The following CFAP299 variants were observed in gnomAD, a reference collection of about 807,000 sequenced individuals.
CFAP299 encodes the protein cilia and flagella associated protein 299, also known as cilia- and flagella-associated protein 299.
CFAP299 carries 21 observed loss-of-function variants against 27.0 expected under a neutral mutation model. The ratio of observed to expected loss-of-function variants is 0.78; its 90% confidence interval spans 0.55 to 1.12. The LOEUF (loss-of-function observed/expected upper bound fraction) is 1.12, where lower values mean the gene tolerates loss of function less well. Ranked by LOEUF, CFAP299 falls within the 50% of genes most tolerant of loss-of-function variation. The pLI is 0.00. For synonymous variants in CFAP299, 104 were observed against 98.1 expected (o/e 1.06, Z -0.36); for missense variants, 310 against 276.6 (o/e 1.12, Z -0.86).
At chr4:80,852,788 TTC>T (rs1445723084) in intron 3 of CFAP299, among the ~76,000 whole-genome samples, 27 of 152,194 alleles carry the variant, frequency 1.8e-4, no homozygotes, top group Admixed American at 1.7e-3. Flanking sequence ...AAGTGTAAAG[TTC>T]TCTTTCTAAT....
intron 3 of CFAP299, among the ~76,000 whole-genome samples, chr4:80,838,052 C>T (rs1290030596): frequency 1.3e-5 from 2 of 152,030 alleles, no homozygotes; most frequent in Non-Finnish European, 2.9e-5. Context: ...CATATGTTTG[C>T]TGGCTGCATA....
At chr4:80,401,373 C>T (rs1168433911) in intron 2 of CFAP299, among the ~76,000 whole-genome samples, 3 of 152,130 alleles carry the variant, frequency 2.0e-5, no homozygotes, top group African/African-American at 7.2e-5. Context: ...GGACTGGGCC[C>T]AGGGTTCTCG....
At chr4:80,324,596 C>T in the CFAP299 span, among the ~76,000 whole-genome samples, 1 of 152,060 alleles carries the variant, frequency 6.6e-6, no homozygotes, top group South Asian at 2.1e-4. Context: ...GCAGCCATGG[C>T]AGTGGTGTTG....
At chr4:80,817,983 T>C in intron 3 of CFAP299, among the ~76,000 whole-genome samples, 1 of 152,132 alleles carries the variant, frequency 6.6e-6, no homozygotes, top group South Asian at 2.1e-4. Context: ...TTTTTCCTGC[T>C]GCTCTCTCTT....
chr4:80,561,356 G>A lies in CFAP299; in HGVS notation c.243-21737G>A, dbSNP rs1385445838. 2.6e-5 allele frequency among the ~76,000 whole-genome samples: 4 copies of A among 152,212 alleles called. No homozygotes were observed. The East Asian group carries it at 7.8e-4, about 30-fold the overall frequency. ...TCCCAAGAATGATAGCTACAAATCAGCCCAGATAGTGAAGGCTGCAATAAA... is the reference window on the plus strand; with the variant it reads ...TCCCAAGAATGATAGCTACAAATCAACCCAGATAGTGAAGGCTGCAATAAA... On this transcript the variant is annotated intron_variant, in intron 2 of 5. Transcript: ENST00000358105.
At chr4:80,716,333 T>C (rs2110041270) in intron 3 of CFAP299, among the ~76,000 whole-genome samples, 1 of 151,552 alleles carries the variant, frequency 6.6e-6, no homozygotes, top group East Asian at 1.9e-4. Flanking sequence ...GTACATAATC[T>C]ATTGCCTGAT....
At chr4:80,512,603 A>G (rs72874089) in intron 2 of CFAP299, among the ~76,000 whole-genome samples, 12,343 of 152,146 alleles carry the variant, frequency 0.081, 576 homozygotes, top group Non-Finnish European at 0.094. Context: ...GGAGTTACAT[A>G]TGAACCTCAG....
At chr4:80,919,026 C>T (rs1735906012) in intron 4 of CFAP299, among the ~76,000 whole-genome samples, 1 of 152,112 alleles carries the variant, frequency 6.6e-6, no homozygotes, top group Admixed American at 6.6e-5. Flanking sequence ...CCCAGAACAG[C>T]AAGTATAACT....
At chr4:80,579,179 A>C (rs1245933415) in intron 2 of CFAP299, among the ~76,000 whole-genome samples, 2 of 152,146 alleles carry the variant, frequency 1.3e-5, no homozygotes, top group Non-Finnish European at 2.9e-5. Flanking sequence ...TTTCTCCATA[A>C]TAGTGGCCTC....
chr4:80,607,030 A>T (rs896302436), intron 3 of CFAP299, among the ~76,000 whole-genome samples: 1 of 152,164 alleles, frequency 6.6e-6, no homozygotes, highest in African/African-American at 2.4e-5. Context: ...AAGGAAGAAG[A>T]AAAGAAAGTC....
chr4:80,747,128 GA>G (rs1480576555), intron 3 of CFAP299, among the ~76,000 whole-genome samples: 1 of 151,984 alleles, frequency 6.6e-6, no homozygotes, highest in African/African-American at 2.4e-5. Context: ...TGATTTATGA[GA>G]CATTTTTAAA....
At chr4:80,362,252 A>G (rs571228405) in intron 1 of CFAP299, among the ~76,000 whole-genome samples, 3 of 151,756 alleles carry the variant, frequency 2.0e-5, no homozygotes, top group African/African-American at 7.2e-5. Flanking sequence ...TTTATTTTGT[A>G]TTTGAAGTTA....
intron 3 of CFAP299, among the ~76,000 whole-genome samples, chr4:80,840,386 T>C (rs985986748): frequency 1.2e-4 from 18 of 152,140 alleles, no homozygotes; most frequent in Non-Finnish European, 2.4e-4. Flanking sequence ...TCAGTGAAAG[T>C]AGACAAGTTG....
chr4:80,392,768 T>C (rs1266431789), intron 2 of CFAP299, among the ~76,000 whole-genome samples: 3 of 147,770 alleles, frequency 2.0e-5, no homozygotes, highest in Non-Finnish European at 4.6e-5. Context: ...ATCTCAAAAA[T>C]GAAAAAAAAA....
intron 2 of CFAP299, among the ~76,000 whole-genome samples, chr4:80,512,346 A>G (rs1243073123): frequency 6.6e-6 from 1 of 152,120 alleles, no homozygotes; most frequent in Non-Finnish European, 1.5e-5. Flanking sequence ...GGAGAAGGTG[A>G]CAAAGCATCC....
At position 80,800,542 on chromosome 4, in the gene CFAP299, TAATATATCAATATATTATA is replaced by T. The variant is rs1560419322; in HGVS notation, c.334-69450_334-69432del. On this transcript the variant is annotated intron_variant, in intron 3 of 5. Transcript: ENST00000358105. ...AATATATAATATATTATATAATATATAATATATCAATATATTATATAATATATTAATATAAATATATAAT... is the reference window on the plus strand; with the variant it reads ...AATATATAATATATTATATAATATATTAATATATTAATATAAATATATAAT... Among the ~76,000 whole-genome samples, 27 of 39,028 alleles carry T rather than the reference TAATATATCAATATATTATA, an allele frequency of 6.9e-4. 1 individual carries two copies. Among genetic ancestry groups the T allele is most frequent in the African/African-American group, 4.3e-3 (26 of 6,094 alleles). 25.6% of individuals were successfully genotyped at this position (39,028 alleles called of 152,430 possible).
At chr4:80,798,530 G>A (rs774207536) in intron 3 of CFAP299, among the ~76,000 whole-genome samples, 1 of 152,098 alleles carries the variant, frequency 6.6e-6, no homozygotes, top group Non-Finnish European at 1.5e-5. Flanking sequence ...ACCTGGTGAA[G>A]CTGTGCATGC....
At chr4:80,340,992 T>G (rs1363246352) in intron 1 of CFAP299, among the ~76,000 whole-genome samples, 1 of 152,154 alleles carries the variant, frequency 6.6e-6, no homozygotes, top group Admixed American at 6.5e-5. Flanking sequence ...GTCAGGCTGG[T>G]CTTGAACTCC....
chr4:80,555,695 G>T (rs1734747596), intron 2 of CFAP299, among the ~76,000 whole-genome samples: 2 of 151,988 alleles, frequency 1.3e-5, no homozygotes, highest in African/African-American at 4.8e-5. Flanking sequence ...GGTCTGTTTA[G>T]GGATTTCATT....
Sources: gnomAD v4.1 joint callset for allele counts (sites outside exome capture counted in the v4.1 genomes callset) on GRCh38, gnomAD v4.1.1 for gene constraint, MANE v1.5 for transcripts, NCBI Gene and HGNC (gene_info 2026-07-23, HGNC 2026-07-21) for gene names.